ATG10: variants seen among roughly 807,000 people sequenced by gnomAD.
ATG10 encodes the protein autophagy related 10.
A neutral mutation model predicts 32.1 loss-of-function variants in ATG10; 30 were observed. The observed-to-expected ratio is 0.94, with a 90% CI of 0.70 to 1.27. The LOEUF (loss-of-function observed/expected upper bound fraction) is 1.27, where lower values mean the gene tolerates loss of function less well. ATG10 is among the 50% of genes most tolerant of loss of function. The pLI, the probability that ATG10 is intolerant of heterozygous loss-of-function variation, is 0.00. For missense variants in ATG10, 233 were observed against 262.3 expected (o/e 0.89, Z 0.77); for synonymous variants, 87 against 91.5 (o/e 0.95, Z 0.28).
At chr5:82,198,699 C>T (rs1471988546) in intron 5 of ATG10, among the ~76,000 whole-genome samples, 1 of 152,240 alleles carries the variant, frequency 6.6e-6, no homozygotes, top group African/African-American at 2.4e-5. Flanking sequence ...GGACAGGCCA[C>T]TGTTATTATT....
At chr5:82,077,307 G>C (rs1435961528) in intron 3 of ATG10, among the ~76,000 whole-genome samples, 3 of 151,956 alleles carry the variant, frequency 2.0e-5, no homozygotes, top group African/African-American at 7.3e-5. Flanking sequence ...TCCAAGCCTT[G>C]GTGACAGAGC....
At chr5:82,086,454 G>C (rs1400555814) in intron 3 of ATG10, among the ~76,000 whole-genome samples, 1 of 152,140 alleles carries the variant, frequency 6.6e-6, no homozygotes, top group Non-Finnish European at 1.5e-5. Context: ...GGGATGAGTG[G>C]ACTAGTTGGG....
intron 3 of ATG10, among the ~76,000 whole-genome samples, chr5:82,104,318 C>G (rs1325390515): frequency 6.6e-6 from 1 of 152,050 alleles, no homozygotes; most frequent in Non-Finnish European, 1.5e-5. Flanking sequence ...CCAAATAGTT[C>G]TGAAAGAGTT....
At chr5:82,240,645 TG>T (rs1479766118) in intron 5 of ATG10, among the ~76,000 whole-genome samples, 1 of 152,140 alleles carries the variant, frequency 6.6e-6, no homozygotes, top group African/African-American at 2.4e-5. Flanking sequence ...TCAAAATAAC[TG>T]GAAGAGTAGA....
intron 5 of ATG10, among the ~76,000 whole-genome samples, chr5:82,247,087 T>C (rs569313710): frequency 1.5e-4 from 23 of 152,334 alleles, no homozygotes; most frequent in African/African-American, 5.5e-4. Context: ...TGTCTTTGGC[T>C]GTCAGCTATT....
chr5:82,241,752 C>CT (rs1746810567), intron 5 of ATG10, among the ~76,000 whole-genome samples: 1 of 152,028 alleles, frequency 6.6e-6, no homozygotes, highest in Non-Finnish European at 1.5e-5. Flanking sequence ...AAAATAGCCT[C>CT]TCCCCCATCA....
chr5:82,208,427 A>T (rs1019721555), intron 5 of ATG10, among the ~76,000 whole-genome samples: 1 of 152,206 alleles, frequency 6.6e-6, no homozygotes, highest in Admixed American at 6.5e-5. Context: ...CTTCCAATCT[A>T]TGAATATGGT....
At position 82,040,896 on chromosome 5, in the gene ATG10, C is replaced by A. The variant is rs542929161; in HGVS notation, c.109-17599C>A. Among the ~76,000 whole-genome samples the A allele has an allele frequency of 2.5e-4, 38 of 152,302 alleles. 1 individual carries two copies. The highest frequency in any genetic ancestry group is 2.3e-3 in the South Asian group (11 of 4,828). ...GTTCTTCATGTACACCAAACTCATT[C>A]CTGCCACAGGACCTTTGCAAAGTTA... On this transcript the variant is annotated intron_variant, in intron 2 of 7. Transcript: ENST00000282185.
At chr5:82,240,336 A>C (rs963177101) in intron 5 of ATG10, among the ~76,000 whole-genome samples, 2 of 152,262 alleles carry the variant, frequency 1.3e-5, no homozygotes, top group Non-Finnish European at 2.9e-5. Context: ...TTATTCAGCC[A>C]TTAAAGAGAT....
intron 4 of ATG10, among the ~76,000 whole-genome samples, chr5:82,169,632 T>G (rs1267294712): frequency 6.6e-6 from 1 of 152,166 alleles, no homozygotes; most frequent in Non-Finnish European, 1.5e-5. Flanking sequence ...TAAAGAATCT[T>G]TAAGAAAGTT....
rs184759435 is a variant in ATG10, at chr5:82,080,684, A to G, written c.216+22082A>G. ...GATCAGATGGTTGTAGATGTGTGGC[A>G]TTATTTCTGAGGGCTCTATTCTGTT... On this transcript the variant is annotated intron_variant, in intron 3 of 7. Transcript: ENST00000282185. Among the ~76,000 whole-genome samples the G allele has an allele frequency of 4.1e-3, 623 of 152,178 alleles. 2 individuals carry two copies. The highest frequency in any genetic ancestry group is 0.014 in the African/African-American group (590 of 41,522).
rs373400523 is a variant in ATG10, at chr5:82,161,696, A to AACATACACACACACAC, written c.217-2700_217-2699insTACACACACACACACA. ...GCTCAATAGAGAAGATTAGAGAATA[A>AACATACACACACACAC]ACACACACACACACACACACACACA... On this transcript the variant is annotated intron_variant, in intron 3 of 7. Coordinates refer to ENST00000282185, the MANE Select transcript of ATG10 (RefSeq NM_031482.5). Among the ~76,000 whole-genome samples, 5 of 129,664 alleles carry AACATACACACACACAC rather than the reference A, an allele frequency of 3.9e-5. No individual in the cohort carries two copies. The Admixed American group carries it at 3.9e-4, about 10-fold the overall frequency. 85.1% of individuals were successfully genotyped at this position (129,664 alleles called of 152,430 possible). A position where few individuals can be genotyped will look rare whatever the true frequency, so the allele number is the denominator to read the frequency against.
At chr5:82,149,267 C>A (rs1304255955) in intron 3 of ATG10, among the ~76,000 whole-genome samples, 1 of 151,874 alleles carries the variant, frequency 6.6e-6, no homozygotes, top group African/African-American at 2.4e-5. Flanking sequence ...TCTAGTTCTA[C>A]CCCAGTGGTA....
Position 82,005,868 on chromosome 5 carries a change from TTG to T in ATG10, c.108+18196_108+18197del, listed in dbSNP as rs1039919372. 3.5e-4 allele frequency among the ~76,000 whole-genome samples: 54 copies of T among 152,308 alleles called. 1 individual carries two copies. Among genetic ancestry groups the T allele is most frequent in the Admixed American group, 2.0e-3 (31 of 15,302 alleles). On this transcript the variant is annotated intron_variant, in intron 2 of 7. Transcript: ENST00000282185. ...TTTATACAATTAATACTAGATCATTTTGTGTGTTAGTCTTTCAGAAGAATTAA... is the reference window on the plus strand; with the variant it reads ...TTTATACAATTAATACTAGATCATTTTGTGTTAGTCTTTCAGAAGAATTAA...
chr5:82,194,357 A>T (rs1744773372), intron 5 of ATG10, among the ~76,000 whole-genome samples: 1 of 152,190 alleles, frequency 6.6e-6, no homozygotes, highest in Admixed American at 6.5e-5. Flanking sequence ...TAAATGGCTA[A>T]GCTAGAGGGC....
chr5:82,203,035 C>T (rs913626396), intron 5 of ATG10, among the ~76,000 whole-genome samples: 6 of 152,072 alleles, frequency 3.9e-5, no homozygotes, highest in Non-Finnish European at 8.8e-5. Flanking sequence ...TGAGACCAGC[C>T]TAGCCAATGT....
At chr5:81,982,345 A>C (rs938562061) in intron 1 of ATG10, among the ~76,000 whole-genome samples, 2 of 152,206 alleles carry the variant, frequency 1.3e-5, no homozygotes, top group Non-Finnish European at 2.9e-5. Context: ...GTGTGCCTGT[A>C]GTCCCAGCTA....
chr5:82,142,505 A>G (rs910693503), intron 3 of ATG10, among the ~76,000 whole-genome samples: 1 of 152,196 alleles, frequency 6.6e-6, no homozygotes, highest in African/African-American at 2.4e-5. Context: ...CAGAATGACA[A>G]CAAAGGATGC....
intron 5 of ATG10, among the ~76,000 whole-genome samples, chr5:82,188,184 G>A (rs1198294785): frequency 6.6e-6 from 1 of 152,154 alleles, no homozygotes; most frequent in Non-Finnish European, 1.5e-5. Context: ...TAACCAGGAT[G>A]CTGGATTTGG....
Sources: allele counts gnomAD v4.1 joint callset (sites outside exome capture counted in the v4.1 genomes callset), GRCh38; gene constraint gnomAD v4.1.1; transcripts MANE v1.5; gene names NCBI Gene and HGNC (gene_info 2026-07-23, HGNC 2026-07-21).